The following CPNE4 variants were observed in gnomAD, a reference collection of about 807,000 sequenced individuals.
CPNE4 encodes the protein copine 4, also known as copine-4.
In CPNE4, 25 loss-of-function variants were observed where a neutral mutation model predicts 67.9. The observed-to-expected ratio is 0.37, with a 90% CI of 0.27 to 0.51. CPNE4 has a LOEUF of 0.51. CPNE4 is among the 20% of genes least tolerant of loss of function. CPNE4 has a pLI of 0.93. For missense variants in CPNE4, 464 were observed against 690.8 expected (o/e 0.67, Z 3.68); for synonymous variants, 242 against 244.9 (o/e 0.99, Z 0.11).
At chr3:131,776,481 A>G (rs2083293579) in intron 2 of CPNE4, among the ~76,000 whole-genome samples, 1 of 152,136 alleles carries the variant, frequency 6.6e-6, no homozygotes, top group Admixed American at 6.6e-5. Flanking sequence ...TTTGTTGAAC[A>G]TTCACCTTGG....
chr3:131,943,062 C>G (rs1454399542), intron 1 of CPNE4, among the ~76,000 whole-genome samples: 1 of 152,124 alleles, frequency 6.6e-6, no homozygotes, highest in African/African-American at 2.4e-5. Context: ...AATCCAGAAG[C>G]TTTGGAATTT....
chr3:131,736,125 C>T (rs1411530246), intron 2 of CPNE4, among the ~76,000 whole-genome samples: 1 of 152,108 alleles, frequency 6.6e-6, no homozygotes, highest in East Asian at 1.9e-4. Context: ...AGTCTCAGGC[C>T]CTGCCCAGTG....
chr3:131,988,736 A>G (rs1300130302), intron 1 of CPNE4, among the ~76,000 whole-genome samples: 3 of 152,164 alleles, frequency 2.0e-5, no homozygotes, highest in African/African-American at 7.2e-5. Context: ...ATGTAAATTT[A>G]TTTTTTAGTT....
intron 3 of CPNE4, among the ~76,000 whole-genome samples, chr3:131,708,971 T>C (rs1370006474): frequency 2.2e-5 from 2 of 89,280 alleles, no homozygotes; most frequent in African/African-American, 9.7e-5. Flanking sequence ...TATATATATA[T>C]ATATATATAT....
At chr3:131,610,260 C>G (rs1939757475) in intron 7 of CPNE4, among the ~76,000 whole-genome samples, 2 of 152,186 alleles carry the variant, frequency 1.3e-5, no homozygotes, top group Non-Finnish European at 2.9e-5. Flanking sequence ...AACTAAGCAA[C>G]TACAATGCAG....
At chr3:131,793,308 A>G (rs1490862175) in intron 2 of CPNE4, among the ~76,000 whole-genome samples, 1 of 152,086 alleles carries the variant, frequency 6.6e-6, no homozygotes, top group East Asian at 1.9e-4. Flanking sequence ...AATTTTAATC[A>G]TGGATTGTAT....
intron 7 of CPNE4, among the ~76,000 whole-genome samples, chr3:131,589,140 C>G (rs1455241956): frequency 1.3e-5 from 2 of 152,060 alleles, no homozygotes; most frequent in African/African-American, 4.8e-5. Context: ...TTGGCTCGCA[C>G]AATTACAAGG....
Position 131,669,660 on chromosome 3 carries a change from A to G in CPNE4, c.681+15T>C, listed in dbSNP as rs199736793. On this transcript the variant is annotated intron_variant, in intron 7 of 15. Coordinates refer to ENST00000429747, the MANE Select transcript of CPNE4 (RefSeq NM_130808.3). ...TTTTTTAAAAAATCACATTTCTTGG[A>G]CACAGATTTCTGACCTTTAGCCGGC... 1.8e-5 allele frequency: 28 copies of G among 1,574,178 alleles called. No individual in the cohort carries two copies. The African/African-American group carries it at 3.7e-4, about 21-fold the overall frequency.
At chr3:131,696,342 T>C (rs2369133) in intron 5 of CPNE4, among the ~76,000 whole-genome samples, 200 bp downstream of exon 5, 144,303 of 152,280 alleles carry the variant, frequency 0.95, 68,774 homozygotes, top group African/African-American at 0.99. Context: ...TAGAATTGTC[T>C]TGTTTTAATT....
At chr3:131,711,328 T>C (rs1047787286) in intron 3 of CPNE4, among the ~76,000 whole-genome samples, 1 of 152,192 alleles carries the variant, frequency 6.6e-6, no homozygotes. Flanking sequence ...ATTTTAAGCT[T>C]TTCTGATTCG....
intron 2 of CPNE4, among the ~76,000 whole-genome samples, chr3:131,742,876 A>G (rs1327085898): frequency 2.0e-5 from 3 of 152,174 alleles, no homozygotes; most frequent in Non-Finnish European, 4.4e-5. Flanking sequence ...TATTTGGGAA[A>G]AGTATAGCCT....
intron 2 of CPNE4, among the ~76,000 whole-genome samples, chr3:131,801,630 G>C (rs1298346128): frequency 6.7e-6 from 1 of 150,052 alleles, no homozygotes; most frequent in Non-Finnish European, 1.5e-5. Context: ...AATCGGGCAG[G>C]TTGGAGAGGT....
At chr3:131,936,106 G>A (rs1223751067) in intron 1 of CPNE4, among the ~76,000 whole-genome samples, 1 of 151,676 alleles carries the variant, frequency 6.6e-6, no homozygotes, top group Non-Finnish European at 1.5e-5. Context: ...TTCTTCTCAT[G>A]AAAATCATAT....
intron 2 of CPNE4, among the ~76,000 whole-genome samples, chr3:131,781,981 G>T (rs1224435313): frequency 6.6e-6 from 1 of 152,074 alleles, no homozygotes; most frequent in Non-Finnish European, 1.5e-5. Flanking sequence ...AGAGTTGTCT[G>T]TTAAATGCTT....
intron 2 of CPNE4, among the ~76,000 whole-genome samples, chr3:131,794,958 G>A (rs186604785): frequency 7.9e-5 from 12 of 152,254 alleles, no homozygotes; most frequent in Non-Finnish European, 1.2e-4. Context: ...ACCACCAGAG[G>A]GAACATTTTT....
At chr3:131,939,923 G>A (rs2071338242) in intron 1 of CPNE4, among the ~76,000 whole-genome samples, 1 of 152,092 alleles carries the variant, frequency 6.6e-6, no homozygotes, top group Non-Finnish European at 1.5e-5. Context: ...CATTTTACAT[G>A]TGAGAGAACT....
intron 1 of CPNE4, among the ~76,000 whole-genome samples, chr3:131,964,580 C>A (rs750978012): frequency 9.3e-5 from 14 of 151,326 alleles, no homozygotes; most frequent in Non-Finnish European, 1.8e-4. Flanking sequence ...GAAGCATACA[C>A]GAGCATCAAT....
At chr3:131,744,907 T>A (rs2082451090) in intron 2 of CPNE4, among the ~76,000 whole-genome samples, 1 of 152,192 alleles carries the variant, frequency 6.6e-6, no homozygotes, top group Non-Finnish European at 1.5e-5. Context: ...GTCTACAGAT[T>A]TTCTTGTGAT....
intron 7 of CPNE4, among the ~76,000 whole-genome samples, chr3:131,667,732 T>C (rs2080301790): frequency 6.6e-6 from 1 of 151,984 alleles, no homozygotes; most frequent in Non-Finnish European, 1.5e-5. Context: ...CCTACTTATT[T>C]CTCTACAGGC....
Sources: allele counts gnomAD v4.1 joint callset (sites outside exome capture counted in the v4.1 genomes callset), GRCh38; gene constraint gnomAD v4.1.1; transcripts MANE v1.5; gene names NCBI Gene and HGNC (gene_info 2026-07-23, HGNC 2026-07-21).